AGPS: variants seen among roughly 807,000 people sequenced by gnomAD.
AGPS encodes the protein alkylglycerone phosphate synthase.
A neutral mutation model predicts 90.7 loss-of-function variants in AGPS; 26 were observed. That is an observed-to-expected ratio of 0.29 (90% CI 0.21 to 0.40). The LOEUF (loss-of-function observed/expected upper bound fraction) is 0.40. AGPS is among the 10% of genes least tolerant of loss of function. AGPS has a pLI of 1.00. For synonymous variants in AGPS, 294 were observed against 285.3 expected (o/e 1.03, Z -0.31); for missense variants, 540 against 816.1 (o/e 0.66, Z 4.12).
intron 8 of AGPS, among the ~76,000 whole-genome samples, chr2:177,450,964 A>ATATATGTATATATG (rs1686923832): frequency 8.1e-6 from 1 of 123,750 alleles, no homozygotes; most frequent in African/African-American, 3.7e-5. Flanking sequence ...CATGTCTTTC[A>ATATATGTATATATG]TATATATATA....
chr2:177,515,489 G>A (rs557200449), intron 17 of AGPS, among the ~76,000 whole-genome samples: 1 of 149,184 alleles, frequency 6.7e-6, no homozygotes, highest in African/African-American at 2.5e-5. Flanking sequence ...CTGCCCCCAA[G>A]TTCCTGTTCA....
chr2:177,494,357 T>G (rs1186827701), intron 12 of AGPS, among the ~76,000 whole-genome samples: 1 of 152,220 alleles, frequency 6.6e-6, no homozygotes, highest in Non-Finnish European at 1.5e-5. Context: ...AATACTATAC[T>G]ACTGACAAAA....
At chr2:177,432,342 A>C (rs1449776474) in intron 2 of AGPS, among the ~76,000 whole-genome samples, 1 of 152,250 alleles carries the variant, frequency 6.6e-6, no homozygotes, top group Non-Finnish European at 1.5e-5. Flanking sequence ...GAAAAGAAGA[A>C]GATCCATTCA....
intron 11 of AGPS, among the ~76,000 whole-genome samples, chr2:177,487,590 T>G (rs1336620173): frequency 6.6e-6 from 1 of 152,172 alleles, no homozygotes; most frequent in African/African-American, 2.4e-5. Flanking sequence ...AGGAGTCAGG[T>G]TTAGCACTTA....
intron 7 of AGPS, among the ~76,000 whole-genome samples, chr2:177,444,768 A>G (rs1056308144): frequency 1.3e-5 from 2 of 152,240 alleles, no homozygotes; most frequent in African/African-American, 4.8e-5. Flanking sequence ...ATGTTACCCA[A>G]TTGCTCAGCC....
At chr2:177,440,817 T>C in intron 5 of AGPS, 148 bp from the exon 6 acceptor site, 1 of 625,646 alleles carries the variant, frequency 1.6e-6, no homozygotes, top group Non-Finnish European at 2.8e-6. Context: ...AAAGGTAAAG[T>C]GTTTTAGTAC....
intron 17 of AGPS, among the ~76,000 whole-genome samples, chr2:177,519,668 A>C (rs1226979654): frequency 2.6e-5 from 4 of 152,282 alleles, no homozygotes; most frequent in East Asian, 1.9e-4. Context: ...TCTACCCAGA[A>C]TCTTTAAGTC....
In AGPS at chr2:177,522,552, C is replaced by T. The variant is rs1689228729; in HGVS notation, c.1797+1184C>T. On this transcript the variant is annotated intron_variant, in intron 18 of 19. Coordinates refer to ENST00000264167, the MANE Select transcript of AGPS (RefSeq NM_003659.4). ...GCAACCTCTGCCTCCCGGGTTCAAG[C>T]GATTCTCCTGTCTCAGCCTCCTGAG... Among the ~76,000 whole-genome samples, 5 of 151,988 alleles carry T rather than the reference C, an allele frequency of 3.3e-5. No homozygotes were observed. The South Asian group carries it at 6.2e-4, about 19-fold the overall frequency.
chr2:177,444,264 T>C (rs1686701656), intron 7 of AGPS, among the ~76,000 whole-genome samples: 1 of 151,668 alleles, frequency 6.6e-6, no homozygotes, highest in Admixed American at 6.6e-5. Flanking sequence ...CTACTAAAAA[T>C]ACAAAAATTA....
chr2:177,451,236 A>T (rs1046950838), intron 8 of AGPS, among the ~76,000 whole-genome samples: 1 of 152,060 alleles, frequency 6.6e-6, no homozygotes, highest in Non-Finnish European at 1.5e-5. Flanking sequence ...GATTATCGGT[A>T]TGAGCCACCA....
intron 15 of AGPS, 51 bp downstream of exon 15, chr2:177,505,626 C>A (rs755580376): frequency 2.0e-6 from 3 of 1,490,656 alleles, no homozygotes; most frequent in Non-Finnish European, 1.9e-6. Flanking sequence ...GCAAACAATA[C>A]TTTTTCTTAC....
chr2:177,403,270 A>T (rs1685379232), intron 1 of AGPS, among the ~76,000 whole-genome samples: 2 of 152,146 alleles, frequency 1.3e-5, no homozygotes, highest in Admixed American at 6.5e-5. Flanking sequence ...ATGGAAGGGC[A>T]ATTTTATATC....
chr2:177,393,055 T>G lies in AGPS; in HGVS notation c.260+6T>G, dbSNP rs1316657739. 6.5e-7 allele frequency: 1 copy of G among 1,549,660 alleles called. No individual in the cohort carries two copies. On this transcript the variant is annotated splice_donor_region_variant and intron_variant, in intron 1 of 19. Transcript: ENST00000264167. ...GGCACCATCCCAAAGAAGCGGTGAG[T>G]AGCGGTATGTGGAAGGAGTTAGCGT...
At chr2:177,525,859 G>A (rs1386612390) in intron 19 of AGPS, among the ~76,000 whole-genome samples, 1 of 152,142 alleles carries the variant, frequency 6.6e-6, no homozygotes, top group Non-Finnish European at 1.5e-5. Flanking sequence ...GTGTCTATTT[G>A]TAAGATGCAG....
chr2:177,540,854 A>G lies in AGPS; in HGVS notation c.*2659A>G, dbSNP rs1408702345. On this transcript the variant is annotated 3_prime_UTR_variant, in exon 20 of 20. Transcript: ENST00000264167. Reference sequence around the variant, plus strand: ...TGGCATTGAATACTAAAGACTCAATATGAACAGGCTTTATAGACCCTTAGA... The same window carrying G: ...TGGCATTGAATACTAAAGACTCAATGTGAACAGGCTTTATAGACCCTTAGA... 1 of 152,086 alleles carries G rather than the reference A, an allele frequency of 6.6e-6. No individual in the cohort carries two copies. Among genetic ancestry groups the G allele is most frequent in the Non-Finnish European group, 1.5e-5 (1 of 67,962 alleles). The allele number at this position is 152,086 out of a possible 1,614,324, so 9.4% of individuals were successfully genotyped here. A position where few individuals can be genotyped will look rare whatever the true frequency, so the allele number is the denominator to read the frequency against.
intron 8 of AGPS, among the ~76,000 whole-genome samples, chr2:177,459,774 A>G (rs887071269): frequency 6.6e-6 from 1 of 152,248 alleles, no homozygotes; most frequent in Non-Finnish European, 1.5e-5. Flanking sequence ...TCAAGGATCT[A>G]GAACTAGAAA....
chr2:177,454,952 G>A (rs182889766), intron 8 of AGPS, among the ~76,000 whole-genome samples: 2 of 152,142 alleles, frequency 1.3e-5, no homozygotes, highest in Admixed American at 6.5e-5. Context: ...CTTTGAATGT[G>A]AGGACTTTTT....
chr2:177,502,565 C>G (rs539025101), intron 14 of AGPS, among the ~76,000 whole-genome samples: 1 of 151,540 alleles, frequency 6.6e-6, no homozygotes, highest in Non-Finnish European at 1.5e-5. Context: ...TACAGGTGCA[C>G]GTCACCATGC....
chr2:177,442,613 G>A, intron 7 of AGPS, 127 bp downstream of exon 7: 1 of 722,798 alleles, frequency 1.4e-6, no homozygotes, highest in Admixed American at 2.2e-5. Context: ...TGGGGAGGCT[G>A]AGGTGGGTGG....
Sources: allele counts gnomAD v4.1 joint callset (sites outside exome capture counted in the v4.1 genomes callset), GRCh38; gene constraint gnomAD v4.1.1; transcripts MANE v1.5; gene names NCBI Gene and HGNC (gene_info 2026-07-23, HGNC 2026-07-21).